The following DENND1B variants were observed in gnomAD, a reference collection of about 807,000 sequenced individuals.
DENND1B encodes DENN domain containing 1B.
DENND1B carries 59 observed loss-of-function variants against 90.1 expected under a neutral mutation model. The observed-to-expected ratio is 0.65, with a 90% CI of 0.53 to 0.81. The LOEUF (loss-of-function observed/expected upper bound fraction) is 0.81. DENND1B is among the 40% of genes least tolerant of loss of function. The pLI, the probability that DENND1B is intolerant of heterozygous loss-of-function variation, is 0.00. For synonymous variants in DENND1B, 337 were observed against 324.6 expected, an observed-to-expected ratio of 1.04 and a Z score of -0.41; for missense variants, 862 against 912.6, an observed-to-expected ratio of 0.94 and a Z score of 0.71.
intron 20 of DENND1B, among the ~76,000 whole-genome samples, chr1:197,518,208 T>C (rs1235815784): frequency 6.6e-6 from 1 of 151,948 alleles, no homozygotes; most frequent in African/African-American, 2.4e-5. Flanking sequence ...GAATTATGAA[T>C]GCTGTCTAGA....
intron 10 of DENND1B, among the ~76,000 whole-genome samples, chr1:197,620,528 G>A (rs1003608056): frequency 2.0e-5 from 3 of 151,232 alleles, no homozygotes; most frequent in East Asian, 2.0e-4. Context: ...ATATTCTTAT[G>A]TATTGAGATT....
chr1:197,591,597 A>G (rs1405814531), intron 14 of DENND1B, among the ~76,000 whole-genome samples: 2 of 152,210 alleles, frequency 1.3e-5, no homozygotes, highest in African/African-American at 2.4e-5. Context: ...GAGTAGTAGT[A>G]GTTACTCCAG....
intron 1 of DENND1B, among the ~76,000 whole-genome samples, chr1:197,774,037 C>A (rs561748061): frequency 1.3e-5 from 2 of 152,260 alleles, no homozygotes; most frequent in South Asian, 2.1e-4. Context: ...AATTAACATG[C>A]AAATATACAT....
intron 5 of DENND1B, among the ~76,000 whole-genome samples, chr1:197,663,061 A>G (rs953037267): frequency 6.6e-6 from 1 of 152,124 alleles, no homozygotes; most frequent in African/African-American, 2.4e-5. Flanking sequence ...AAAAGTCTTC[A>G]AGATGCCTCC....
chr1:197,664,854 G>T (rs570755419), intron 5 of DENND1B, among the ~76,000 whole-genome samples: 14 of 152,020 alleles, frequency 9.2e-5, no homozygotes, highest in Non-Finnish European at 1.6e-4. Flanking sequence ...TGAGTTAAAG[G>T]GGGGAGGGGG....
intron 20 of DENND1B, among the ~76,000 whole-genome samples, chr1:197,513,727 T>A (rs1420442508): frequency 6.6e-6 from 1 of 151,610 alleles, no homozygotes; most frequent in Admixed American, 6.6e-5. Flanking sequence ...TCTCCCCATA[T>A]TTTTTAGTAC....
At chr1:197,657,476 A>T (rs1211137005) in intron 6 of DENND1B, among the ~76,000 whole-genome samples, 7 of 152,226 alleles carry the variant, frequency 4.6e-5, no homozygotes, top group Non-Finnish European at 1.0e-4. Context: ...TGGCAAGTAA[A>T]TGTCCAATAT....
Position 197,583,147 on chromosome 1 carries a change from C to A in DENND1B, c.1149+5G>T. The stretch of plus-strand genomic sequence containing the variant: ...CAAAAGAAAAATGTGGAGGTCCACT[C>A]TTACCTGCTTAAAAAGCTGGAGGTT... On this transcript the variant is annotated splice_donor_5th_base_variant and intron_variant, in intron 15 of 22. Coordinates refer to ENST00000620048, the MANE Select transcript of DENND1B (RefSeq NM_001195215.2). The A allele has an allele frequency of 1.2e-6, 2 of 1,613,188 alleles. No individual in the cohort carries two copies. The highest frequency in any genetic ancestry group is 1.7e-6 in the Non-Finnish European group (2 of 1,179,224).
intron 13 of DENND1B, among the ~76,000 whole-genome samples, chr1:197,603,845 T>C (rs1457143762): frequency 6.6e-6 from 1 of 151,264 alleles, no homozygotes; most frequent in African/African-American, 2.4e-5. Context: ...AGATTTGGAA[T>C]AGGAGGTTTT....
In DENND1B at chr1:197,583,238, A is replaced by C. The variant is rs1352458210; in HGVS notation, c.1063T>G (p.Phe355Val). 1 of 1,613,804 alleles carries C rather than the reference A, an allele frequency of 6.2e-7. No individual in the cohort carries two copies. The highest frequency in any genetic ancestry group is 8.5e-7 in the Non-Finnish European group (1 of 1,179,788). ...LRYKPGEPIT[F>V]CEESFVKHRS... ...TGCTTTACAAAACTCTCCTCACAGA[A>C]AGTGATGGGCTCACCCTAGATAGAA... is the stretch of plus-strand genomic sequence containing the variant. The change falls in exon 15 of 23, where the codon TTC (phenylalanine) becomes GTC (valine). Residue 355 changes from phenylalanine to valine, a missense_variant. Transcript: ENST00000620048.
At position 197,714,386 on chromosome 1, in the gene DENND1B, A is replaced by T. The variant is rs80302152; in HGVS notation, c.126+645T>A. Among the ~76,000 whole-genome samples the T allele has an allele frequency of 5.3e-3, 804 of 152,276 alleles. 9 individuals are homozygous for T. Among genetic ancestry groups the T allele is most frequent in the African/African-American group, 0.018 (747 of 41,564 alleles). On this transcript the variant is annotated intron_variant, in intron 3 of 22. Transcript: ENST00000620048. ...TGATAAATCTATAACATAAAGTTTA[A>T]ATGATTTTTCTATTTACATATATCA...
intron 2 of DENND1B, 33 bp downstream of exon 2, chr1:197,772,835 C>T (rs1408454858): frequency 1.3e-6 from 2 of 1,530,418 alleles, no homozygotes; most frequent in Non-Finnish European, 1.8e-6. Context: ...AAAAAGAGAC[C>T]TTGTCAAATA....
intron 2 of DENND1B, among the ~76,000 whole-genome samples, chr1:197,745,858 T>A (rs954890698): frequency 6.6e-6 from 1 of 151,966 alleles, no homozygotes; most frequent in African/African-American, 2.4e-5. Flanking sequence ...TTCTTTATTG[T>A]AACAGTTTAT....
At chr1:197,685,874 G>A (rs1237553861) in intron 3 of DENND1B, 1 of 151,940 alleles carries the variant, frequency 6.6e-6, no homozygotes, top group East Asian at 1.9e-4. Flanking sequence ...CCAACCTCTT[G>A]GAATAAAAAT....
At position 197,564,395 on chromosome 1, in the gene DENND1B, CAAAAAA is replaced by C. The variant is rs71131780; in HGVS notation, c.1150-11289_1150-11284del. Among the ~76,000 whole-genome samples the C allele has an allele frequency of 1.3e-4, 8 of 63,170 alleles. No individual in the cohort carries two copies. In the East Asian group the frequency reaches 4.9e-3, roughly 39 times the overall value. The allele number at this position is 63,170 out of a possible 152,430, so 41.4% of individuals were successfully genotyped here. On this transcript the variant is annotated intron_variant, in intron 15 of 22. Transcript: ENST00000620048. ...ATACTGAGGCAAGAACCTCCACCAG[CAAAAAA>C]AAAAAAAAAAAAAAAAAAAGATGAT...
At chr1:197,663,719 G>C (rs916349523) in intron 5 of DENND1B, among the ~76,000 whole-genome samples, 1 of 152,004 alleles carries the variant, frequency 6.6e-6, no homozygotes, top group Non-Finnish European at 1.5e-5. Context: ...GTACTATTCA[G>C]ATCACCGTAC....
rs1426864032 is a variant in DENND1B, at chr1:197,510,729, G to T, written c.2059C>A (p.Gln687Lys). Residue 687 changes from glutamine to lysine, a missense_variant, in exon 23 of 23, where the codon CAA becomes AAA. Gln to Lys is a moderately conservative substitution (Grantham distance 53). Transcript: ENST00000620048. ...VSDPTSGLDF[Q>K]LTSPEVSQTD... is the part of the protein sequence containing the mutation. ...TGGGAAACTTCAGGGGAAGTGAGTT[G>T]GAAATCCAGTCCTGAAGTAGGGTCA... 6.2e-7 allele frequency: 1 copy of T among 1,612,566 alleles called. No individual in the cohort carries two copies. Among genetic ancestry groups the T allele is most frequent in the East Asian group, 2.2e-5 (1 of 44,838 alleles).
rs762638650 is a variant in DENND1B, at chr1:197,672,036, C to A, written c.296+1G>T. The A allele has an allele frequency of 6.2e-7, 1 of 1,611,378 alleles. No homozygotes were observed. Among genetic ancestry groups the A allele is most frequent in the Admixed American group, 1.7e-5 (1 of 59,688 alleles). ...TAATTTTTTTTACTACAAATACTCACCTAAGGATGCATAAACAAATTGTGC... is the reference window on the plus strand; with the variant it reads ...TAATTTTTTTTACTACAAATACTCAACTAAGGATGCATAAACAAATTGTGC... On this transcript the variant is annotated splice_donor_variant, in intron 5 of 22. Transcript: ENST00000620048. LOFTEE classifies it high-confidence loss of function.
chr1:197,513,246 T>C (rs1302710230), intron 20 of DENND1B, among the ~76,000 whole-genome samples: 2 of 151,436 alleles, frequency 1.3e-5, no homozygotes, highest in East Asian at 3.9e-4. Flanking sequence ...GGCCCTGATT[T>C]AGGGATACTT....
Sources: allele counts gnomAD v4.1 joint callset (sites outside exome capture counted in the v4.1 genomes callset), GRCh38; gene constraint gnomAD v4.1.1; transcripts MANE v1.5; gene names NCBI Gene and HGNC (gene_info 2026-07-23, HGNC 2026-07-21).